The following CFAP52 variants were observed in gnomAD, a reference collection of about 807,000 sequenced individuals.
The protein encoded by CFAP52 is cilia and flagella associated protein 52.
A neutral mutation model predicts 70.5 loss-of-function variants in CFAP52; 57 were observed. That is an observed-to-expected ratio of 0.81 (90% confidence interval 0.65 to 1.01). The LOEUF (loss-of-function observed/expected upper bound fraction) is 1.01. Among genes scored for constraint, CFAP52 ranks in the 50% least tolerant of loss-of-function variants. CFAP52 has a pLI of 0.00. For synonymous variants in CFAP52, 267 were observed against 292.5 expected, an observed-to-expected ratio of 0.91 and a Z score of 0.89; for missense variants, 785 against 788.5, an observed-to-expected ratio of 1.00 and a Z score of 0.05.
rs200652970 is a variant in CFAP52, at chr17:9,629,491, C to CTTTCT, written c.1174+684_1174+688dup. On this transcript the variant is annotated intron_variant, in intron 9 of 13. Transcript: ENST00000352665. ...TTTCTTTCCCTTTCTTTCTTTCTTT[C>CTTTCT]TTTCTTTTCTTTTCTTTCTTTCTTT... Among the ~76,000 whole-genome samples the CTTTCT allele has an allele frequency of 1.6e-4, 23 of 144,584 alleles. No individual in the cohort carries two copies. In the South Asian group the frequency reaches 4.2e-3, roughly 26 times the overall value. The allele number at this position is 144,584 out of a possible 152,430, so 94.9% of individuals were successfully genotyped here.
intron 3 of CFAP52, among the ~76,000 whole-genome samples, chr17:9,587,058 C>T (rs1035952890): frequency 6.6e-6 from 1 of 152,040 alleles, no homozygotes; most frequent in African/African-American, 2.4e-5. Flanking sequence ...GTCTGTGTTC[C>T]CTTCTATGTG....
chr17:9,585,664 C>T (rs1908430828), intron 1 of CFAP52, 109 bp from the exon 2 acceptor site: 5 of 1,148,980 alleles, frequency 4.4e-6, no homozygotes, highest in Non-Finnish European at 6.4e-6. Context: ...AAGTGCAAGA[C>T]TCTGTCACAC....
chr17:9,593,414 C>T (rs1167924484), intron 3 of CFAP52, among the ~76,000 whole-genome samples: 1 of 152,174 alleles, frequency 6.6e-6, no homozygotes, highest in Non-Finnish European at 1.5e-5. Context: ...GTGCTGTGGC[C>T]TAGCAGTCTC....
chr17:9,586,277 G>C (rs898121215), intron 2 of CFAP52, among the ~76,000 whole-genome samples: 2 of 152,064 alleles, frequency 1.3e-5, no homozygotes, highest in African/African-American at 2.4e-5. Flanking sequence ...AAAAGTGATA[G>C]AGCGGGCTGG....
intron 3 of CFAP52, among the ~76,000 whole-genome samples, chr17:9,592,508 A>G (rs1295490850): frequency 6.6e-6 from 1 of 151,954 alleles, no homozygotes; most frequent in Non-Finnish European, 1.5e-5. Context: ...CGTACCCATT[A>G]GCAATCACTC....
chr17:9,614,044 T>C (rs1909812236), intron 8 of CFAP52, among the ~76,000 whole-genome samples: 2 of 152,152 alleles, frequency 1.3e-5, no homozygotes, highest in Non-Finnish European at 2.9e-5. Flanking sequence ...CCCTGGTGCT[T>C]TTTTTAAGGG....
At chr17:9,615,568 A>C (rs976151433) in intron 8 of CFAP52, among the ~76,000 whole-genome samples, 11 of 151,836 alleles carry the variant, frequency 7.2e-5, no homozygotes, top group Middle Eastern at 6.8e-3. Flanking sequence ...TGCTGCATAC[A>C]ACTTGGAAAC....
At position 9,602,459 on chromosome 17, in the gene CFAP52, C is replaced by G. The variant is rs373408939; in HGVS notation, c.753+2276C>G. On this transcript the variant is annotated intron_variant, in intron 6 of 13. Transcript: ENST00000352665. ...TCCCTGCAAAGGACATGAACTCATT[C>G]TTTTTTATGGCTGCATAGTATTCCA... is the stretch of plus-strand genomic sequence containing the variant. Among the ~76,000 whole-genome samples, 10 of 152,204 alleles carry G rather than the reference C, an allele frequency of 6.6e-5. No homozygotes were observed. In the East Asian group the frequency reaches 1.2e-3, roughly 18 times the overall value.
chr17:9,585,508 A>T (rs529686765), intron 1 of CFAP52, among the ~76,000 whole-genome samples: 2 of 152,252 alleles, frequency 1.3e-5, no homozygotes, highest in Admixed American at 6.5e-5. Flanking sequence ...CTCTACTAAA[A>T]ATACAAAAAA....
intron 11 of CFAP52, among the ~76,000 whole-genome samples, chr17:9,636,425 A>G (rs540490500): frequency 6.6e-6 from 1 of 152,246 alleles, no homozygotes; most frequent in Non-Finnish European, 1.5e-5. Context: ...TCACACCCCC[A>G]TAGAATGACT....
chr17:9,642,504 A>G (rs997721987), intron 13 of CFAP52, among the ~76,000 whole-genome samples: 1 of 152,106 alleles, frequency 6.6e-6, no homozygotes, highest in African/African-American at 2.4e-5. Flanking sequence ...CACGCCTATA[A>G]TCCCAGCTAC....
At chr17:9,593,228 T>C (rs146193554) in intron 3 of CFAP52, among the ~76,000 whole-genome samples, 60 of 152,238 alleles carry the variant, frequency 3.9e-4, no homozygotes, top group Non-Finnish European at 7.8e-4. Context: ...TTTTGTATTA[T>C]GATCCACACC....
Position 9,638,577 on chromosome 17 carries a change from C to T in CFAP52, c.1473-32C>T, listed in dbSNP as rs111914194. 736 of 1,597,496 alleles carry T rather than the reference C, an allele frequency of 4.6e-4. 3 individuals are homozygous for T. In the African/African-American group the frequency reaches 8.6e-3, roughly 19 times the overall value. ...ATAAATTTCCTAGGGAAGAGAAAGT[C>T]GACTTTCACAGCTTTTGAATCTACT... On this transcript the variant is annotated intron_variant, in intron 11 of 13. Coordinates refer to ENST00000352665, the MANE Select transcript of CFAP52 (RefSeq NM_145054.5).
intron 8 of CFAP52, among the ~76,000 whole-genome samples, chr17:9,626,140 A>G (rs187702285): frequency 6.6e-6 from 1 of 152,330 alleles, no homozygotes; most frequent in East Asian, 1.9e-4. Flanking sequence ...ACCCTAAACT[A>G]AGAACAATCT....
rs749398701 is a variant in CFAP52, at chr17:9,608,152, G to T, written c.787G>T (p.Gly263Cys). Reference protein sequence around the residue: ...VSAIRCLKMGGLLVGSGAGLL... With the variant: ...VSAIRCLKMGCLLVGSGAGLL... ...AGCTATCAGGTGCCTGAAGATGGGG[G>T]GTTTGTTGGTGGGCTCTGGAGCCGG... The change falls in exon 7 of 14, where the codon GGT (glycine) becomes TGT (cysteine). Residue 263 changes from glycine (G) to cysteine (C), a missense_variant. Physicochemically the swap from Gly to Cys is radical, Grantham distance 159. Transcript: ENST00000352665. The T allele has an allele frequency of 5.0e-6, 8 of 1,612,532 alleles. No individual in the cohort carries two copies. Among genetic ancestry groups the T allele is most frequent in the South Asian group, 1.1e-5 (1 of 90,866 alleles).
chr17:9,642,346 A>G (rs1911108043), intron 13 of CFAP52, among the ~76,000 whole-genome samples: 1 of 152,206 alleles, frequency 6.6e-6, no homozygotes, highest in South Asian at 2.1e-4. Flanking sequence ...AAATGCGGCC[A>G]GGCGTGGTGG....
Position 9,586,040 on chromosome 17 carries a change from T to G in CFAP52, c.270+68T>G, listed in dbSNP as rs1308634166. On this transcript the variant is annotated intron_variant, in intron 2 of 13. Transcript: ENST00000352665. ...TGCCTCCCTAGAAGAACTGCCCCAC[T>G]TCAAGTTGTTAGTTCTATGTGGCAA... is the stretch of plus-strand genomic sequence containing the variant. 21 of 1,517,818 alleles carry G rather than the reference T, an allele frequency of 1.4e-5. No homozygotes were observed. In the Admixed American group the frequency reaches 3.6e-4, roughly 26 times the overall value. The allele number at this position is 1,517,818 out of a possible 1,614,324, so 94.0% of individuals were successfully genotyped here. A position where few individuals can be genotyped will look rare whatever the true frequency, so the allele number is the denominator to read the frequency against.
Position 9,584,473 on chromosome 17 carries a change from C to A in CFAP52, c.71-1300C>A, listed in dbSNP as rs1056757670. ...GGTTGTATCAATTTAAAGTGTATAA[C>A]ACAATGTGTTGATAGACATATACAT... On this transcript the variant is annotated intron_variant, in intron 1 of 13. Transcript: ENST00000352665. 21 of 850,342 alleles carry A rather than the reference C, an allele frequency of 2.5e-5. No individual in the cohort carries two copies. The African/African-American group carries it at 3.0e-4, about 12-fold the overall frequency. The allele number at this position is 850,342 out of a possible 1,614,324, so 52.7% of individuals were successfully genotyped here.
chr17:9,585,434 T>C (rs576922160), intron 1 of CFAP52, among the ~76,000 whole-genome samples: 48 of 151,998 alleles, frequency 3.2e-4, no homozygotes, highest in Admixed American at 6.6e-4. Context: ...TTTGGGAGGC[T>C]AAGGTGGACG....
Sources: gnomAD v4.1 joint callset for allele counts (sites outside exome capture counted in the v4.1 genomes callset) on GRCh38, gnomAD v4.1.1 for gene constraint, MANE v1.5 for transcripts, NCBI Gene and HGNC (gene_info 2026-07-23, HGNC 2026-07-21) for gene names.